The following SLC20A2 variants were observed in gnomAD, a reference collection of about 807,000 sequenced individuals.
The protein encoded by SLC20A2 is solute carrier family 20 member 2.
In SLC20A2, 30 loss-of-function variants were observed where a neutral mutation model predicts 61.0. That is an observed-to-expected ratio of 0.49 (90% CI 0.37 to 0.67). The LOEUF is 0.67. Among genes scored for constraint, SLC20A2 ranks in the 30% least tolerant of loss-of-function variants. The pLI is 0.00. For synonymous variants in SLC20A2, 351 were observed against 353.3 expected (o/e 0.99, Z 0.07); for missense variants, 626 against 866.4 (o/e 0.72, Z 3.48).
At chr8:42,464,369 G>A (rs1293341712) in intron 3 of SLC20A2, among the ~76,000 whole-genome samples, 4 of 147,570 alleles carry the variant, frequency 2.7e-5, no homozygotes, top group Non-Finnish European at 5.9e-5. Flanking sequence ...CAATCCTCCT[G>A]CCTTGGCCTC....
chr8:42,442,020 G>A (rs937927711), intron 6 of SLC20A2, among the ~76,000 whole-genome samples: 2 of 148,444 alleles, frequency 1.3e-5, no homozygotes, highest in African/African-American at 5.2e-5. Context: ...TGCAACCTCT[G>A]CCTCCCAGGT....
chr8:42,483,102 T>C (rs575382236), intron 1 of SLC20A2, among the ~76,000 whole-genome samples: 21 of 151,690 alleles, frequency 1.4e-4, no homozygotes, highest in African/African-American at 4.8e-4. Context: ...TCCCAGCACT[T>C]TGGGAGGCCA....
chr8:42,436,252 T>C (rs1004883708), intron 8 of SLC20A2, among the ~76,000 whole-genome samples: 9 of 152,066 alleles, frequency 5.9e-5, no homozygotes, highest in Non-Finnish European at 1.3e-4. Context: ...CCACCCACGT[T>C]ACCTGCTCTG....
chr8:42,493,179 G>T (rs1268659337), intron 1 of SLC20A2, among the ~76,000 whole-genome samples: 1 of 152,200 alleles, frequency 6.6e-6, no homozygotes, highest in Non-Finnish European at 1.5e-5. Context: ...GGAAAGGGGG[G>T]CCTGCTTTAG....
intron 5 of SLC20A2, among the ~76,000 whole-genome samples, chr8:42,452,481 AGAG>A (rs1205244319): frequency 3.4e-4 from 47 of 140,150 alleles, no homozygotes; most frequent in African/African-American, 1.2e-3. Context: ...GAAGGGATGA[AGAG>A]GAGGAGTAGG....
chr8:42,466,925 C>T (rs1807216291), intron 2 of SLC20A2, among the ~76,000 whole-genome samples: 1 of 152,206 alleles, frequency 6.6e-6, no homozygotes, highest in Non-Finnish European at 1.5e-5. Context: ...CTGCTTCAGC[C>T]TCCCAAAGCC....
At chr8:42,527,587 G>A (rs1188099726) in intron 1 of SLC20A2, among the ~76,000 whole-genome samples, 1 of 151,984 alleles carries the variant, frequency 6.6e-6, no homozygotes, top group Non-Finnish European at 1.5e-5. Context: ...AGACCAACAT[G>A]GAGAAACCCC....
chr8:42,515,641 C>T (rs1048176952), intron 1 of SLC20A2, among the ~76,000 whole-genome samples: 3 of 152,152 alleles, frequency 2.0e-5, no homozygotes, highest in Admixed American at 6.5e-5. Flanking sequence ...ACCTTCCTAA[C>T]CTCTAACCCA....
chr8:42,456,767 A>G (rs1285751854), intron 5 of SLC20A2, among the ~76,000 whole-genome samples: 1 of 150,942 alleles, frequency 6.6e-6, no homozygotes, highest in South Asian at 2.1e-4. Context: ...AAGGACTAAG[A>G]TATCTCCCGT....
At chr8:42,485,803 G>A (rs2131291840) in intron 1 of SLC20A2, among the ~76,000 whole-genome samples, 1 of 151,734 alleles carries the variant, frequency 6.6e-6, no homozygotes, top group African/African-American at 2.4e-5. Flanking sequence ...AAAATTGGCT[G>A]GGCATGGTGG....
chr8:42,485,361 G>C (rs1203027258), intron 1 of SLC20A2, among the ~76,000 whole-genome samples: 2 of 152,056 alleles, frequency 1.3e-5, no homozygotes, highest in African/African-American at 4.8e-5. Flanking sequence ...TTGGGGCTAG[G>C]CCGAACGCGG....
At chr8:42,489,247 TTTTTA>T (rs1184083092) in intron 1 of SLC20A2, among the ~76,000 whole-genome samples, 1 of 151,838 alleles carries the variant, frequency 6.6e-6, no homozygotes, top group Non-Finnish European at 1.5e-5. Flanking sequence ...CCAGGTTCTT[TTTTTA>T]TTTTATAATT....
intron 9 of SLC20A2, 113 bp downstream of exon 9, chr8:42,429,951 G>A: frequency 2.3e-6 from 2 of 851,822 alleles, no homozygotes; most frequent in Non-Finnish European, 3.5e-6. Flanking sequence ...CCTCCTCCCT[G>A]TGACCCGCTG....
intron 1 of SLC20A2, among the ~76,000 whole-genome samples, chr8:42,538,695 G>A (rs1586302802): frequency 6.6e-6 from 1 of 152,344 alleles, no homozygotes; most frequent in African/African-American, 2.4e-5. Context: ...CACTCCATCT[G>A]AGAGCCAAAT....
At chr8:42,530,139 G>T (rs1282077269) in intron 1 of SLC20A2, among the ~76,000 whole-genome samples, 1 of 151,834 alleles carries the variant, frequency 6.6e-6, no homozygotes, top group Non-Finnish European at 1.5e-5. Context: ...TTTTTCAGGT[G>T]AAAAATTTAC....
Position 42,472,761 on chromosome 8 carries a change from C to T in SLC20A2, c.-264-107G>A, listed in dbSNP as rs1807746108. ...GCCTGCTAATGGGATCTAACTTTGGCATGTGACGGACCTAACCATAAAGCA... is the reference window on the plus strand; with the variant it reads ...GCCTGCTAATGGGATCTAACTTTGGTATGTGACGGACCTAACCATAAAGCA... On this transcript the variant is annotated intron_variant, in intron 1 of 10. Coordinates refer to ENST00000520262, the MANE Select transcript of SLC20A2 (RefSeq NM_001257180.2). The surrounding 1 kb of genome is among the most constrained non-coding windows in gnomAD (Gnocchi z 4.1). 1 of 182,496 alleles carries T rather than the reference C, an allele frequency of 5.5e-6. No homozygotes were observed. Among genetic ancestry groups the T allele is most frequent in the South Asian group, 1.2e-4 (1 of 8,088 alleles). The allele number at this position is 182,496 out of a possible 1,614,324, so 11.3% of individuals were successfully genotyped here.
chr8:42,431,661 T>C (rs754117806), intron 8 of SLC20A2, among the ~76,000 whole-genome samples: 1 of 152,238 alleles, frequency 6.6e-6, no homozygotes, highest in Non-Finnish European at 1.5e-5. Context: ...AGGCAATGCC[T>C]GGCTTCAAAG....
intron 1 of SLC20A2, among the ~76,000 whole-genome samples, chr8:42,515,872 G>T (rs918469253): frequency 1.3e-5 from 2 of 152,176 alleles, no homozygotes; most frequent in African/African-American, 4.8e-5. Flanking sequence ...ATAAGGGATA[G>T]CTTAGTCTCA....
rs1386232821 is a variant in SLC20A2 at position 42,522,769 on chromosome 8, A to G, written c.-265+19052T>C. Among the ~76,000 whole-genome samples the G allele has an allele frequency of 8.3e-5, 5 of 60,218 alleles. 1 individual carries two copies. The highest frequency in any genetic ancestry group is 1.7e-4 in the African/African-American group (5 of 29,878). The allele number at this position is 60,218 out of a possible 152,430, so 39.5% of individuals were successfully genotyped here. A position where few individuals can be genotyped will look rare whatever the true frequency, so the allele number is the denominator to read the frequency against. The stretch of plus-strand genomic sequence containing the variant: ...ACCCAGGTTGGAGTGTGGTGGTGCG[A>G]GCATGGCTCACTACACCCTTGAATT... On this transcript the variant is annotated intron_variant, in intron 1 of 10. Coordinates refer to the SLC20A2 transcript ENST00000342228.
Sources: allele counts gnomAD v4.1 joint callset (sites outside exome capture counted in the v4.1 genomes callset), GRCh38; gene constraint gnomAD v4.1.1; non-coding constraint Gnocchi (gnomAD v3.1); transcripts MANE v1.5; gene names NCBI Gene and HGNC (gene_info 2026-07-23, HGNC 2026-07-21).